Variants in DPP10 observed in about 807,000 individuals in gnomAD.
The protein encoded by DPP10 is inactive dipeptidyl peptidase 10.
In DPP10, 33 loss-of-function variants were observed where a neutral mutation model predicts 120.9. The ratio of observed to expected loss-of-function variants is 0.27; its 90% CI spans 0.21 to 0.37. The LOEUF is 0.37. Ranked by LOEUF, DPP10 falls within the 10% of genes least tolerant of loss-of-function variation. The probability of loss-of-function intolerance (pLI) is 1.00; values close to 1 mark genes in which losing one functional copy is unlikely to be tolerated. For synonymous variants in DPP10, 337 were observed against 326.1 expected (o/e 1.03, Z -0.36); for missense variants, 816 against 942.8 (o/e 0.87, Z 1.76).
At chr2:115,606,007 A>G (rs749668947) in intron 5 of DPP10, among the ~76,000 whole-genome samples, 2 of 152,120 alleles carry the variant, frequency 1.3e-5, no homozygotes, top group Admixed American at 6.6e-5. Context: ...TTCCTAATGT[A>G]GAATTGTTGG....
In DPP10 at chr2:114,573,877, T is replaced by C. The variant is rs1262370618; in HGVS notation, c.60+131039T>C. 2.0e-5 allele frequency among the ~76,000 whole-genome samples: 3 copies of C among 152,310 alleles called. No homozygotes were observed. In the East Asian group the frequency reaches 5.8e-4, roughly 29 times the overall value. On this transcript the variant is annotated intron_variant, in intron 1 of 25. Coordinates refer to ENST00000410059, the MANE Select transcript of DPP10 (RefSeq NM_020868.6). ...CAGGAGTCTGCTGCAAAGGTTGCCT[T>C]ACTGCAAACAAAGTGGCTGAAAACA...
At chr2:115,714,446 C>T (rs1307460807) in intron 7 of DPP10, among the ~76,000 whole-genome samples, 1 of 152,136 alleles carries the variant, frequency 6.6e-6, no homozygotes, top group African/African-American at 2.4e-5. Flanking sequence ...TTGTACTAGC[C>T]AGTTTTTAGG....
intron 13 of DPP10, among the ~76,000 whole-genome samples, chr2:115,776,862 G>T (rs1682164343): frequency 6.7e-6 from 1 of 149,486 alleles, no homozygotes; most frequent in African/African-American, 2.5e-5. Context: ...GTTCTAAAAT[G>T]TTTTTTTTTT....
chr2:115,455,329 A>G (rs2073438100), intron 3 of DPP10, among the ~76,000 whole-genome samples: 1 of 152,008 alleles, frequency 6.6e-6, no homozygotes, highest in Admixed American at 6.6e-5. Flanking sequence ...AATTTATGTG[A>G]AAATGTTAAG....
chr2:115,794,912 A>G (rs865937185), intron 19 of DPP10, among the ~76,000 whole-genome samples: 2 of 152,134 alleles, frequency 1.3e-5, no homozygotes, highest in Middle Eastern at 3.2e-3. Context: ...TTGCTTTTAC[A>G]TATGAGAAGC....
chr2:115,799,111 T>A (rs934767159), intron 19 of DPP10, among the ~76,000 whole-genome samples: 2 of 152,080 alleles, frequency 1.3e-5, no homozygotes, highest in Non-Finnish European at 2.9e-5. Context: ...TTGCTAAGAC[T>A]TTTTCCTTAC....
chr2:115,796,849 C>T (rs1684587828), intron 19 of DPP10, among the ~76,000 whole-genome samples: 1 of 152,018 alleles, frequency 6.6e-6, no homozygotes, highest in Non-Finnish European at 1.5e-5. Flanking sequence ...GAAACTATAA[C>T]TAAAATAGGT....
At chr2:115,317,315 T>A (rs1254096252) in intron 2 of DPP10, among the ~76,000 whole-genome samples, 4 of 152,180 alleles carry the variant, frequency 2.6e-5, no homozygotes, top group Admixed American at 1.3e-4. Context: ...GTCTAACATC[T>A]TTCACTTTGC....
intron 5 of DPP10, among the ~76,000 whole-genome samples, chr2:115,569,685 A>C (rs1217096088): frequency 6.6e-6 from 1 of 152,216 alleles, no homozygotes; most frequent in Non-Finnish European, 1.5e-5. Flanking sequence ...TGACACAATT[A>C]TATCAGGCAT....
At chr2:114,922,025 G>A (rs1695232905) in intron 1 of DPP10, among the ~76,000 whole-genome samples, 1 of 152,194 alleles carries the variant, frequency 6.6e-6, no homozygotes, top group Non-Finnish European at 1.5e-5. Flanking sequence ...CATATTAGCT[G>A]AAGAGTGTAT....
intron 3 of DPP10, among the ~76,000 whole-genome samples, chr2:115,427,434 G>A (rs949381466): frequency 1.3e-5 from 2 of 152,170 alleles, no homozygotes; most frequent in Non-Finnish European, 2.9e-5. Context: ...ACTCTCGCAG[G>A]GTGCATGCCT....
intron 1 of DPP10, among the ~76,000 whole-genome samples, chr2:114,614,667 A>ACG (rs1262359924): frequency 6.6e-6 from 1 of 152,184 alleles, no homozygotes; most frequent in African/African-American, 2.4e-5. Context: ...CAGTTTGCTT[A>ACG]CGCAATTTCG....
rs758435605 is a variant in DPP10 at position 115,343,944 on chromosome 2, A to G, written c.271+32A>G. The G allele has an allele frequency of 1.0e-5, 16 of 1,526,880 alleles. No homozygotes were observed. In the South Asian group the frequency reaches 1.9e-4, roughly 18 times the overall value. 94.6% of individuals were successfully genotyped at this position (1,526,880 alleles called of 1,614,324 possible). A position where few individuals can be genotyped will look rare whatever the true frequency, so the allele number is the denominator to read the frequency against. ...GTATACCTTTTTAAACATTGTATTC[A>G]TTTTGAGTTCTGTATAATTAAAATT... On this transcript the variant is annotated intron_variant, in intron 3 of 25. Coordinates refer to ENST00000410059, the MANE Select transcript of DPP10 (RefSeq NM_020868.6).
intron 1 of DPP10, among the ~76,000 whole-genome samples, chr2:115,175,962 G>A (rs1173639587): frequency 6.6e-6 from 1 of 152,136 alleles, no homozygotes; most frequent in Non-Finnish European, 1.5e-5. Context: ...AATGTGAGCT[G>A]GGGTCCAAGA....
chr2:115,465,986 C>A (rs62166120), intron 3 of DPP10, among the ~76,000 whole-genome samples: 3,534 of 152,120 alleles, frequency 0.023, 79 homozygotes, highest in Non-Finnish European at 0.035. Context: ...ATTACCCATT[C>A]CATAATGGGT....
rs139981321 is a variant in DPP10, at chr2:115,020,716, T to C, written c.61-288523T>C. On this transcript the variant is annotated intron_variant, in intron 1 of 25. Coordinates refer to ENST00000410059, the MANE Select transcript of DPP10 (RefSeq NM_020868.6). Reference sequence around the variant, plus strand: ...CAACAATTGCAGAATATACATGCTATTCACCAGCACATGGAACATTCTACA... The same window carrying C: ...CAACAATTGCAGAATATACATGCTACTCACCAGCACATGGAACATTCTACA... Among the ~76,000 whole-genome samples the C allele has an allele frequency of 1.1e-4, 17 of 152,208 alleles. No individual in the cohort carries two copies. The East Asian group carries it at 2.9e-3, about 26-fold the overall frequency.
At chr2:114,664,905 C>G (rs1342062566) in intron 1 of DPP10, among the ~76,000 whole-genome samples, 2 of 150,492 alleles carry the variant, frequency 1.3e-5, no homozygotes, top group Non-Finnish European at 3.0e-5. Context: ...CAGAGAGCAT[C>G]CAAAAGATGG....
At chr2:115,058,218 C>T (rs949158487) in intron 1 of DPP10, among the ~76,000 whole-genome samples, 5 of 139,834 alleles carry the variant, frequency 3.6e-5, no homozygotes, top group South Asian at 2.4e-4. Flanking sequence ...CCTAATTTGT[C>T]AGCCTTTCTT....
At chr2:114,540,779 G>A (rs1033950223) in intron 1 of DPP10, among the ~76,000 whole-genome samples, 23 of 152,154 alleles carry the variant, frequency 1.5e-4, no homozygotes, top group African/African-American at 7.2e-5. Flanking sequence ...ACAGTTTAGC[G>A]AAAGGTCTTT....
Sources: allele counts gnomAD v4.1 joint callset (sites outside exome capture counted in the v4.1 genomes callset), GRCh38; gene constraint gnomAD v4.1.1; transcripts MANE v1.5; gene names NCBI Gene and HGNC (gene_info 2026-07-23, HGNC 2026-07-21).